Variants in DENND1B observed in about 807,000 individuals in gnomAD.
The protein encoded by DENND1B is DENN domain containing 1B.
In DENND1B, 59 loss-of-function variants were observed where a neutral mutation model predicts 90.1. The observed-to-expected ratio is 0.65, with a 90% CI of 0.53 to 0.81. The LOEUF (loss-of-function observed/expected upper bound fraction) is 0.81, where lower values mean the gene tolerates loss of function less well. Ranked by LOEUF, DENND1B falls within the 40% of genes least tolerant of loss-of-function variation. The probability of loss-of-function intolerance (pLI) is 0.00; values close to 1 mark genes in which losing one functional copy is unlikely to be tolerated. For synonymous variants in DENND1B, 337 were observed against 324.6 expected, an observed-to-expected ratio of 1.04 and a Z score of -0.41; for missense variants, 862 against 912.6, an observed-to-expected ratio of 0.94 and a Z score of 0.71.
chr1:197,666,402 A>G (rs988563713), intron 5 of DENND1B, among the ~76,000 whole-genome samples: 2 of 152,262 alleles, frequency 1.3e-5, no homozygotes, highest in Non-Finnish European at 2.9e-5. Context: ...ATACCAAAAC[A>G]TAAGTGACAA....
intron 20 of DENND1B, among the ~76,000 whole-genome samples, chr1:197,529,356 G>A (rs1257974981): frequency 6.7e-5 from 10 of 150,374 alleles, no homozygotes; most frequent in South Asian, 2.1e-4. Context: ...GTGTGCACGC[G>A]CGCACATGTG....
intron 4 of DENND1B, among the ~76,000 whole-genome samples, chr1:197,673,159 T>C (rs1324687289): frequency 6.8e-6 from 1 of 147,356 alleles, no homozygotes; most frequent in Non-Finnish European, 1.5e-5. Context: ...AAACTTAAAA[T>C]AAAAAAAAAA....
At chr1:197,747,778 C>G (rs1441368071) in intron 2 of DENND1B, among the ~76,000 whole-genome samples, 5 of 152,264 alleles carry the variant, frequency 3.3e-5, no homozygotes, top group African/African-American at 4.8e-5. Context: ...GGTTCCTCTT[C>G]TATAACGTAT....
chr1:197,676,722 G>A (rs1295198469), intron 3 of DENND1B, among the ~76,000 whole-genome samples: 1 of 152,056 alleles, frequency 6.6e-6, no homozygotes, highest in Non-Finnish European at 1.5e-5. Flanking sequence ...AATGAAAGAG[G>A]TAATAATACA....
intron 20 of DENND1B, among the ~76,000 whole-genome samples, chr1:197,524,552 G>T (rs1309486019): frequency 6.6e-6 from 1 of 152,062 alleles, no homozygotes; most frequent in Admixed American, 6.6e-5. Flanking sequence ...GGTGATGGTT[G>T]GATGTAAAAA....
chr1:197,752,560 A>C (rs1371961592), intron 2 of DENND1B, among the ~76,000 whole-genome samples: 3 of 152,100 alleles, frequency 2.0e-5, no homozygotes, highest in Non-Finnish European at 4.4e-5. Context: ...TATATTGAAA[A>C]CACTAACTTC....
At chr1:197,577,071 G>A (rs990713794) in intron 15 of DENND1B, among the ~76,000 whole-genome samples, 5 of 152,110 alleles carry the variant, frequency 3.3e-5, no homozygotes, top group Non-Finnish European at 7.4e-5. Flanking sequence ...TGTGTTTAAA[G>A]TAATATAGGC....
intron 20 of DENND1B, among the ~76,000 whole-genome samples, chr1:197,535,749 C>G (rs1331286613): frequency 6.6e-6 from 1 of 152,188 alleles, no homozygotes; most frequent in East Asian, 1.9e-4. Flanking sequence ...TCCTTGGTAA[C>G]ATGGTACTCT....
intron 20 of DENND1B, among the ~76,000 whole-genome samples, chr1:197,526,835 T>A (rs557925520): frequency 6.6e-6 from 1 of 152,176 alleles, no homozygotes; most frequent in East Asian, 1.9e-4. Flanking sequence ...TCTTGAATAA[T>A]CTTATGACAA....
intron 5 of DENND1B, among the ~76,000 whole-genome samples, chr1:197,669,940 T>C (rs1030009321): frequency 3.3e-5 from 5 of 152,128 alleles, no homozygotes; most frequent in Non-Finnish European, 7.4e-5. Flanking sequence ...AAACTCTTCC[T>C]ACTTCAAAGA....
chr1:197,557,279 T>C (rs1044215594), intron 15 of DENND1B, among the ~76,000 whole-genome samples: 16 of 151,914 alleles, frequency 1.1e-4, no homozygotes, highest in African/African-American at 3.9e-4. Context: ...AATACATTAC[T>C]GACAAATAGA....
At chr1:197,691,304 TAAAC>T (rs1196447630) in intron 3 of DENND1B, among the ~76,000 whole-genome samples, 5 of 150,404 alleles carry the variant, frequency 3.3e-5, no homozygotes, top group Admixed American at 2.0e-4. Flanking sequence ...TCAAAGGACT[TAAAC>T]AGACATTTCT....
At chr1:197,664,174 A>G (rs1572240682) in intron 5 of DENND1B, among the ~76,000 whole-genome samples, 2 of 152,196 alleles carry the variant, frequency 1.3e-5, no homozygotes, top group African/African-American at 4.8e-5. Context: ...CTGATTATCA[A>G]TAAGGTAAAA....
At chr1:197,707,912 C>T (rs1659763967) in intron 3 of DENND1B, among the ~76,000 whole-genome samples, 1 of 151,218 alleles carries the variant, frequency 6.6e-6, no homozygotes, top group African/African-American at 2.4e-5. Flanking sequence ...ATTGCCTCAC[C>T]TGGGAAGCGC....
intron 2 of DENND1B, among the ~76,000 whole-genome samples, chr1:197,770,160 T>C (rs762922539): frequency 5.9e-5 from 9 of 152,180 alleles, no homozygotes; most frequent in Non-Finnish European, 1.2e-4. Flanking sequence ...TTTTAAAATA[T>C]CTTTAGAATT....
intron 2 of DENND1B, among the ~76,000 whole-genome samples, chr1:197,729,984 C>T (rs572271426): frequency 7.2e-5 from 11 of 151,950 alleles, no homozygotes; most frequent in Non-Finnish European, 1.3e-4. Flanking sequence ...CTCACTACTA[C>T]GAAAAAAGTT....
intron 10 of DENND1B, among the ~76,000 whole-genome samples, chr1:197,621,474 T>C (rs1205701508): frequency 1.3e-5 from 2 of 151,372 alleles, no homozygotes; most frequent in Non-Finnish European, 3.0e-5. Flanking sequence ...GAAGTTTGGT[T>C]TGCAATATAA....
rs779627485 is a variant in DENND1B at position 197,766,869 on chromosome 1, A to C, written c.82+5999T>G. Among the ~76,000 whole-genome samples, 3 of 152,072 alleles carry C rather than the reference A, an allele frequency of 2.0e-5. No homozygotes were observed. The South Asian group carries it at 6.2e-4, about 32-fold the overall frequency. On this transcript the variant is annotated intron_variant, in intron 2 of 22. Transcript: ENST00000620048. The stretch of plus-strand genomic sequence containing the variant: ...CAGTGACACAATCTCAGCTCACTGC[A>C]ATCTCTCTCCGCCTCCTGGGTTCAA...
intron 5 of DENND1B, among the ~76,000 whole-genome samples, chr1:197,663,467 A>G (rs1449085656): frequency 6.6e-6 from 1 of 152,124 alleles, no homozygotes; most frequent in Admixed American, 6.6e-5. Context: ...TCTACAGCAA[A>G]CAGTGCTAAC....
Sources: allele counts gnomAD v4.1 joint callset (sites outside exome capture counted in the v4.1 genomes callset), GRCh38; gene constraint gnomAD v4.1.1; transcripts MANE v1.5; gene names NCBI Gene and HGNC (gene_info 2026-07-23, HGNC 2026-07-21).